Variants in SV2C observed in about 807,000 individuals in gnomAD.
The protein encoded by SV2C is solute carrier family 22 member B3.
In SV2C, 49 loss-of-function variants were observed where a neutral mutation model predicts 79.7. The ratio of observed to expected loss-of-function variants is 0.61; its 90% confidence interval spans 0.49 to 0.78. The LOEUF (loss-of-function observed/expected upper bound fraction) is 0.78, where lower values mean the gene tolerates loss of function less well. Ranked by LOEUF, SV2C falls within the 30% of genes least tolerant of loss-of-function variation. SV2C has a pLI of 0.00. For missense variants in SV2C, 833 were observed against 912.9 expected, an observed-to-expected ratio of 0.91 and a Z score of 1.13; for synonymous variants, 334 against 333.2, an observed-to-expected ratio of 1.00 and a Z score of -0.03.
chr5:75,908,371 C>T, the SV2C span, among the ~76,000 whole-genome samples: 35 of 152,320 alleles, frequency 2.3e-4, no homozygotes, highest in South Asian at 6.4e-3. Flanking sequence ...AAGATCCATC[C>T]ACACTGTAGT....
intron 12 of SV2C, among the ~76,000 whole-genome samples, chr5:76,309,975 G>A (rs1748369148): frequency 6.6e-6 from 1 of 151,988 alleles, no homozygotes; most frequent in African/African-American, 2.4e-5. Flanking sequence ...TGTCCGATTG[G>A]CATTTGAATA....
At chr5:75,919,673 T>G in the SV2C span, among the ~76,000 whole-genome samples, 1 of 152,208 alleles carries the variant, frequency 6.6e-6, no homozygotes, top group East Asian at 1.9e-4. Flanking sequence ...AAACCAGACT[T>G]TGAAATGTCA....
chr5:76,239,495 G>C (rs563729451), intron 4 of SV2C, among the ~76,000 whole-genome samples: 1 of 152,164 alleles, frequency 6.6e-6, no homozygotes, highest in African/African-American at 2.4e-5. Context: ...TGTCTCTGCC[G>C]CATGATACCT....
chr5:76,038,198 ATCT>A, the SV2C span, among the ~76,000 whole-genome samples: 1 of 152,222 alleles, frequency 6.6e-6, no homozygotes, highest in African/African-American at 2.4e-5. Flanking sequence ...GAAATCCCAT[ATCT>A]TCTTATTTAT....
At chr5:76,077,620 A>G in the SV2C span, among the ~76,000 whole-genome samples, 1 of 152,220 alleles carries the variant, frequency 6.6e-6, no homozygotes, top group East Asian at 1.9e-4. Context: ...CAGCCACAAG[A>G]GCAATCCACT....
chr5:76,078,803 A>C, upstream of SV2C: 1 of 587,094 alleles, frequency 1.7e-6, no homozygotes, highest in Non-Finnish European at 3.4e-6. Flanking sequence ...GTTAATGGCT[A>C]GTTAGCAACC....
At chr5:76,032,450 A>G in the SV2C span, among the ~76,000 whole-genome samples, 3 of 150,826 alleles carry the variant, frequency 2.0e-5, no homozygotes, top group Non-Finnish European at 4.4e-5. Context: ...TCCTGTGTCC[A>G]TGTGTTCTCA....
chr5:76,210,542 G>A (rs116424986), intron 4 of SV2C, among the ~76,000 whole-genome samples: 143 of 152,300 alleles, frequency 9.4e-4, no homozygotes, highest in Middle Eastern at 3.4e-3. Flanking sequence ...TGAGTTCTCC[G>A]CCTCACCACC....
chr5:76,072,050 C>A, the SV2C span, among the ~76,000 whole-genome samples: 1 of 152,028 alleles, frequency 6.6e-6, no homozygotes, highest in Admixed American at 6.6e-5. Flanking sequence ...AGAAAAAATT[C>A]AAAGAGATTA....
the SV2C span, among the ~76,000 whole-genome samples, chr5:76,019,505 G>A: frequency 1.3e-5 from 2 of 152,258 alleles, no homozygotes; most frequent in South Asian, 4.1e-4. Context: ...CTTCAAACGT[G>A]ATGAGGGTAA....
the SV2C span, among the ~76,000 whole-genome samples, chr5:75,968,076 C>G: frequency 1.3e-5 from 2 of 152,174 alleles, no homozygotes; most frequent in African/African-American, 4.8e-5. Context: ...TGGAATGGAC[C>G]TCCAGCAAAC....
rs537474273 is a variant in SV2C at position 76,121,484 on chromosome 5, G to C, written c.-101-10166G>C. Among the ~76,000 whole-genome samples, 7 of 151,586 alleles carry C rather than the reference G, an allele frequency of 4.6e-5. No individual in the cohort carries two copies. The East Asian group carries it at 7.7e-4, about 17-fold the overall frequency. Reference sequence around the variant, plus strand: ...ATGGTAATGCCTAGGTTTTCTTCTAGGGTTTTTATGGTTTCAGGTCTAACG... The same window carrying C: ...ATGGTAATGCCTAGGTTTTCTTCTACGGTTTTTATGGTTTCAGGTCTAACG... On this transcript the variant is annotated intron_variant, in intron 1 of 12. Coordinates refer to ENST00000502798, the MANE Select transcript of SV2C (RefSeq NM_014979.4).
chr5:76,178,569 T>G (rs1040374451), intron 2 of SV2C, among the ~76,000 whole-genome samples: 3 of 152,218 alleles, frequency 2.0e-5, no homozygotes, highest in Non-Finnish European at 4.4e-5. Flanking sequence ...TGCAATAACA[T>G]GCACACTACT....
At chr5:76,007,853 A>T in the SV2C span, among the ~76,000 whole-genome samples, 180 of 152,274 alleles carry the variant, frequency 1.2e-3, no homozygotes, top group Admixed American at 2.3e-3. Context: ...ACTTCAGAGC[A>T]TAACTATTAA....
the SV2C span, among the ~76,000 whole-genome samples, chr5:76,001,974 C>T: frequency 6.6e-6 from 1 of 152,078 alleles, no homozygotes; most frequent in South Asian, 2.1e-4. Context: ...CCTGAGTTCC[C>T]AAAGTCCACT....
chr5:76,286,285 C>A (rs1334892445), intron 6 of SV2C, among the ~76,000 whole-genome samples: 2 of 152,126 alleles, frequency 1.3e-5, no homozygotes, highest in African/African-American at 4.8e-5. Context: ...GGACTGCCAG[C>A]TGATTCTCCT....
At chr5:76,336,574 C>T (rs1030573985), downstream of SV2C, among the ~76,000 whole-genome samples, 11 of 152,138 alleles carry the variant, frequency 7.2e-5, no homozygotes, top group Non-Finnish European at 1.2e-4. Flanking sequence ...TGAGCCGAGA[C>T]CACGCCACTG....
At chr5:75,864,190 A>G in the SV2C span, among the ~76,000 whole-genome samples, 1 of 152,118 alleles carries the variant, frequency 6.6e-6, no homozygotes, top group African/African-American at 2.4e-5. Flanking sequence ...TTATAGAAAA[A>G]CTGAGCCTGA....
intron 12 of SV2C, 112 bp from the exon 13 acceptor site, chr5:76,325,252 A>G: frequency 8.9e-7 from 1 of 1,122,220 alleles, no homozygotes; most frequent in Non-Finnish European, 1.3e-6. Context: ...TGCTCCACTG[A>G]TATACAACAC....
Sources: gnomAD v4.1 joint callset for allele counts (sites outside exome capture counted in the v4.1 genomes callset) on GRCh38, gnomAD v4.1.1 for gene constraint, MANE v1.5 for transcripts, NCBI Gene and HGNC (gene_info 2026-07-23, HGNC 2026-07-21) for gene names.